The following RPL28 variants were observed in gnomAD, a reference collection of about 807,000 sequenced individuals.
The protein encoded by RPL28 is large ribosomal subunit protein eL28.
In RPL28, 4 loss-of-function variants were observed where a neutral mutation model predicts 12.5. The ratio of observed to expected loss-of-function variants is 0.32; its 90% CI spans 0.16 to 0.73. RPL28 has a LOEUF of 0.73. RPL28 is among the 30% of genes least tolerant of loss of function. The pLI is 0.66. For synonymous variants in RPL28, 91 were observed against 72.5 expected (o/e 1.26, Z -1.30); for missense variants, 214 against 197.7 (o/e 1.08, Z -0.49).
chr19:55,402,963 G>A (rs773675741), exon 5 of RPL28: 93 of 1,534,006 alleles, frequency 6.1e-5, no homozygotes, highest in Non-Finnish European at 8.0e-5. Flanking sequence ...GGGTTGGGAG[G>A]CAGCAGGCTG....
downstream of RPL28, among the ~76,000 whole-genome samples, chr19:55,395,664 C>G (rs376767851): frequency 3.0e-4 from 45 of 149,042 alleles, 2 homozygotes; most frequent in South Asian, 8.8e-3. Flanking sequence ...AGGATGGTCT[C>G]AATCTCCTGA....
At chr19:55,394,469 C>T (rs115782515), downstream of RPL28, among the ~76,000 whole-genome samples, 1 of 152,160 alleles carries the variant, frequency 6.6e-6, no homozygotes, top group African/African-American at 2.4e-5. Context: ...CTGTGTTACC[C>T]AGGTTGGGCT....
Position 55,390,026 on chromosome 19 carries a change from C to G in RPL28, c.*1694C>G. Reference sequence around the variant, plus strand: ...TTCTCGTGAGGCCTCTCCCCTGGCACCTGCTTCAGTTGTCCTCCACAGCAC... The same window carrying G: ...TTCTCGTGAGGCCTCTCCCCTGGCAGCTGCTTCAGTTGTCCTCCACAGCAC... On this transcript the variant is annotated 3_prime_UTR_variant, in exon 5 of 5. Transcript: ENST00000344063. 3 of 985,508 alleles carry G rather than the reference C, an allele frequency of 3.0e-6. No individual in the cohort carries two copies. The allele number at this position is 985,508 out of a possible 1,614,324, so 61.0% of individuals were successfully genotyped here.
downstream of RPL28, among the ~76,000 whole-genome samples, chr19:55,395,443 C>CTT (rs535831486): frequency 3.8e-5 from 5 of 132,134 alleles, no homozygotes; most frequent in South Asian, 2.4e-4. Context: ...TTCTTTTTCT[C>CTT]TTTTTTTTTT....
chr19:55,396,108 T>A (rs542741679), downstream of RPL28, among the ~76,000 whole-genome samples: 42 of 151,026 alleles, frequency 2.8e-4, no homozygotes, highest in South Asian at 8.4e-3. Flanking sequence ...TGAAATTCCA[T>A]CTGTACAAAA....
At position 55,389,954 on chromosome 19, in the gene RPL28, T is replaced by TCCGC. The variant is rs1243018111; in HGVS notation, c.*1624_*1627dup. ...CTGGCTGGCCTCACTGCGCTGGGAC[T>TCCGC]CCGCCTTCATAAGGAGAGCTCACTG... On this transcript the variant is annotated 3_prime_UTR_variant, in exon 5 of 5. Coordinates refer to ENST00000344063, the MANE Select transcript of RPL28 (RefSeq NM_000991.5). 2.0e-6 allele frequency: 2 copies of TCCGC among 985,388 alleles called. No individual in the cohort carries two copies. Among genetic ancestry groups the TCCGC allele is most frequent in the African/African-American group, 3.5e-5 (2 of 57,230 alleles). 61.0% of individuals were successfully genotyped at this position (985,388 alleles called of 1,614,324 possible).
chr19:55,393,857 C>T (rs2090007233), downstream of RPL28, among the ~76,000 whole-genome samples: 1 of 151,904 alleles, frequency 6.6e-6, no homozygotes, highest in African/African-American at 2.4e-5. Context: ...ACCATGTTGG[C>T]CAGGCTGGTC....
chr19:55,388,542 G>A lies in RPL28; in HGVS notation c.*210G>A, dbSNP rs2089958977. The A allele has an allele frequency of 7.9e-6, 10 of 1,273,740 alleles. No homozygotes were observed. In the East Asian group the frequency reaches 2.8e-4, roughly 36 times the overall value. The allele number at this position is 1,273,740 out of a possible 1,614,324, so 78.9% of individuals were successfully genotyped here. A position where few individuals can be genotyped will look rare whatever the true frequency, so the allele number is the denominator to read the frequency against. On this transcript the variant is annotated 3_prime_UTR_variant, in exon 5 of 5. Coordinates refer to ENST00000344063, the MANE Select transcript of RPL28 (RefSeq NM_000991.5). Reference sequence around the variant, plus strand: ...GGGGTAGCTGCCTTGTCCCTGGTGAGGGCAAGGGTCACTGTCTTCACAGAA... The same window carrying A: ...GGGGTAGCTGCCTTGTCCCTGGTGAAGGCAAGGGTCACTGTCTTCACAGAA...
downstream of RPL28, among the ~76,000 whole-genome samples, chr19:55,395,688 C>A (rs1350531530): frequency 1.3e-5 from 2 of 151,762 alleles, no homozygotes; most frequent in Non-Finnish European, 2.9e-5. Flanking sequence ...TGTGATCTGC[C>A]CACCTTGGCC....
downstream of RPL28, among the ~76,000 whole-genome samples, chr19:55,393,631 G>GTTTTTTT (rs890657595): frequency 1.7e-5 from 2 of 114,620 alleles, no homozygotes; most frequent in African/African-American, 3.4e-5. Flanking sequence ...TCACCAATTT[G>GTTTTTTT]TTTTTTTTTT....
In RPL28 at chr19:55,391,567, C is replaced by T; in HGVS notation, c.*3235C>T. ...CTCTGTTCACAGGACATGCTGGCAT[C>T]TACTGGGTCAGGGCTCTGCTGCTCG... On this transcript the variant is annotated 3_prime_UTR_variant, in exon 5 of 5. Coordinates refer to ENST00000344063, the MANE Select transcript of RPL28 (RefSeq NM_000991.5). The T allele has an allele frequency of 6.5e-7, 1 of 1,539,752 alleles. No homozygotes were observed. The highest frequency in any genetic ancestry group is 8.8e-7 in the Non-Finnish European group (1 of 1,137,360).
At chr19:55,401,421 G>A (rs759322403) in intron 4 of RPL28, 1 of 1,576,120 alleles carries the variant, frequency 6.3e-7, no homozygotes. Context: ...ACGGTGGAAG[G>A]AGGAAGAGAG....
At chr19:55,396,477 T>TCCCCC, downstream of RPL28, among the ~76,000 whole-genome samples, 1 of 12,882 alleles carries the variant, frequency 7.8e-5, no homozygotes, top group Non-Finnish European at 1.3e-4. Context: ...AGGAAAGTTC[T>TCCCCC]CCCCCCTCCC....
chr19:55,390,294 TC>T lies in RPL28; in HGVS notation c.*1964del, dbSNP rs2089978562. 1 of 808,992 alleles carries T rather than the reference TC, an allele frequency of 1.2e-6. No individual in the cohort carries two copies. Among genetic ancestry groups the T allele is most frequent in the Non-Finnish European group, 1.5e-6 (1 of 669,392 alleles). The allele number at this position is 808,992 out of a possible 1,614,324, so 50.1% of individuals were successfully genotyped here. A position where few individuals can be genotyped will look rare whatever the true frequency, so the allele number is the denominator to read the frequency against. Reference sequence around the variant, plus strand: ...ATCTTGGCTCACTGCAGCCTCCACCTCCTGGGTTCAAGCGATTCTCCTGCCT... The same window carrying T: ...ATCTTGGCTCACTGCAGCCTCCACCTCTGGGTTCAAGCGATTCTCCTGCCT... On this transcript the variant is annotated 3_prime_UTR_variant, in exon 5 of 5. Transcript: ENST00000344063.
At chr19:55,401,576 C>T (rs1415815212) in intron 4 of RPL28, 1 of 1,609,930 alleles carries the variant, frequency 6.2e-7, no homozygotes, top group Admixed American at 1.7e-5. Flanking sequence ...GTGGAGGAAG[C>T]TTCAGTGCCA....
downstream of RPL28, among the ~76,000 whole-genome samples, chr19:55,394,537 A>T (rs1379487143): frequency 6.6e-6 from 1 of 152,074 alleles, no homozygotes; most frequent in Non-Finnish European, 1.5e-5. Context: ...CTGGGATTAC[A>T]GGTGTGAGCC....
At chr19:55,398,065 A>T (rs1186565433) in intron 4 of RPL28, among the ~76,000 whole-genome samples, 3 of 151,996 alleles carry the variant, frequency 2.0e-5, no homozygotes, top group Non-Finnish European at 2.9e-5. Flanking sequence ...GCTTGGTGGC[A>T]CACGCCTGTA....
In RPL28 at chr19:55,391,876, G is replaced by C. The variant is rs984678142; in HGVS notation, c.*3544G>C. On this transcript the variant is annotated 3_prime_UTR_variant, in exon 5 of 5. Transcript: ENST00000344063. ...TCCCAAGCACCTGGAAGACATGCCA[G>C]ATCCATGTGCAGTAATGCCTGGTGG... is the stretch of plus-strand genomic sequence containing the variant. 8.3e-5 allele frequency: 114 copies of C among 1,377,544 alleles called. No homozygotes were observed. In the Admixed American group the frequency reaches 2.6e-3, roughly 31 times the overall value. The allele number at this position is 1,377,544 out of a possible 1,614,324, so 85.3% of individuals were successfully genotyped here. A position where few individuals can be genotyped will look rare whatever the true frequency, so the allele number is the denominator to read the frequency against.
chr19:55,392,248 C>T (rs1221491276), downstream of RPL28: 1 of 434,302 alleles, frequency 2.3e-6, no homozygotes, highest in Admixed American at 6.4e-5. Context: ...TTTTGTTTGT[C>T]TAAGAGACGG....
Sources: gnomAD v4.1 joint callset for allele counts (sites outside exome capture counted in the v4.1 genomes callset) on GRCh38, gnomAD v4.1.1 for gene constraint, MANE v1.5 for transcripts, NCBI Gene and HGNC (gene_info 2026-07-23, HGNC 2026-07-21) for gene names.